Variants in TCP1 observed in about 807,000 individuals in gnomAD.
The protein encoded by TCP1 is T-complex protein 1 subunit alpha.
A neutral mutation model predicts 54.7 loss-of-function variants in TCP1; 6 were observed. That is an observed-to-expected ratio of 0.11 (90% CI 0.06 to 0.22). The LOEUF is 0.22. TCP1 is among the 10% of genes least tolerant of loss of function. The pLI, the probability that TCP1 is intolerant of heterozygous loss-of-function variation, is 1.00. For synonymous variants in TCP1, 225 were observed against 229.7 expected, an observed-to-expected ratio of 0.98 and a Z score of 0.19; for missense variants, 511 against 678.2, an observed-to-expected ratio of 0.75 and a Z score of 2.74.
intron 1 of TCP1, chr6:159,789,039 G>A (rs910960742): frequency 4.1e-6 from 1 of 241,696 alleles, no homozygotes; most frequent in East Asian, 8.8e-5. Context: ...AAAACCTGGC[G>A]TTTAACATGG....
rs201928872 is a variant in TCP1 at position 159,785,721 on chromosome 6, G to A, written c.377+179C>T. 258 of 784,298 alleles carry A rather than the reference G, an allele frequency of 3.3e-4. 1 individual carries two copies. Among genetic ancestry groups the A allele is most frequent in the Admixed American group, 8.7e-4 (48 of 55,236 alleles). 48.6% of individuals were successfully genotyped at this position (784,298 alleles called of 1,614,324 possible). On this transcript the variant is annotated intron_variant, in intron 4 of 11. Coordinates refer to ENST00000321394, the MANE Select transcript of TCP1 (RefSeq NM_030752.3). ...TCTATTATTAGGAGAAAATGTGGTAGTCAAATGAGAAAAAAGATACTGGTC... is the reference window on the plus strand; with the variant it reads ...TCTATTATTAGGAGAAAATGTGGTAATCAAATGAGAAAAAAGATACTGGTC...
rs1468721897 is a variant in TCP1 at position 159,784,771 on chromosome 6, G to A, written c.565C>T (p.Arg189Cys). The A allele has an allele frequency of 5.0e-6, 8 of 1,614,128 alleles. No individual in the cohort carries two copies. The highest frequency in any genetic ancestry group is 2.2e-5 in the East Asian group (1 of 44,876). ...IKYTDIRGQPRYPVNSVNILK... is the reference protein window; with the variant it reads ...IKYTDIRGQPCYPVNSVNILK... Reference sequence around the variant, plus strand: ...ATATTAACAGAGTTGACTGGATAGCGTGGCTGGCCTCTTATGTCTGTGTAT... The same window carrying A: ...ATATTAACAGAGTTGACTGGATAGCATGGCTGGCCTCTTATGTCTGTGTAT... The change falls in exon 6 of 12, where the codon CGC (arginine) becomes TGC (cysteine). Residue 189 changes from arginine (R) to cysteine (C), a missense_variant. Physicochemically the swap from Arg to Cys is radical, Grantham distance 180 (BLOSUM62 -3). Coordinates refer to ENST00000321394, the MANE Select transcript of TCP1 (RefSeq NM_030752.3).
rs61580579 is a variant in TCP1, at chr6:159,784,596, G to A, written c.670+70C>T. 68 of 1,526,108 alleles carry A rather than the reference G, an allele frequency of 4.5e-5. No individual in the cohort carries two copies. The East Asian group carries it at 4.5e-4, about 10-fold the overall frequency. The allele number at this position is 1,526,108 out of a possible 1,614,324, so 94.5% of individuals were successfully genotyped here. A position where few individuals can be genotyped will look rare whatever the true frequency, so the allele number is the denominator to read the frequency against. On this transcript the variant is annotated intron_variant, in intron 6 of 11. Coordinates refer to ENST00000321394, the MANE Select transcript of TCP1 (RefSeq NM_030752.3). ...TGGGATTACAGGCATGAGCCACCGC[G>A]CCCAGCCAAAAGAAAAGCTAGTTTT...
chr6:159,789,167 T>G (rs1780783205), intron 1 of TCP1: 3 of 513,830 alleles, frequency 5.8e-6, no homozygotes, highest in Non-Finnish European at 1.0e-5. Context: ...GGACACCACA[T>G]CCACGCGTTG....
In TCP1 at chr6:159,778,732, T is replaced by C. The variant is rs2114988045; in HGVS notation, c.*313A>G. The C allele has an allele frequency of 6.2e-7, 1 of 1,614,258 alleles. No homozygotes were observed. The highest frequency in any genetic ancestry group is 1.1e-5 in the South Asian group (1 of 91,090). On this transcript the variant is annotated 3_prime_UTR_variant, in exon 12 of 12. Transcript: ENST00000321394. Reference sequence around the variant, plus strand: ...TCTGGCTGTCGAATTCTTGTGACCCTGTTACACACACTGGAGAGAATGGGC... The same window carrying C: ...TCTGGCTGTCGAATTCTTGTGACCCCGTTACACACACTGGAGAGAATGGGC...
Position 159,785,770 on chromosome 6 carries a change from CTACT to C in TCP1, c.377+126_377+129del, listed in dbSNP as rs761900438. The stretch of plus-strand genomic sequence containing the variant: ...TCCAAGTTTTTAACTTCAAATATTA[CTACT>C]TAAATGCTAAAACATTTAAATTGAA... On this transcript the variant is annotated intron_variant, in intron 4 of 11. Coordinates refer to ENST00000321394, the MANE Select transcript of TCP1 (RefSeq NM_030752.3). The C allele has an allele frequency of 1.8e-5, 15 of 848,802 alleles. No homozygotes were observed. In the Admixed American group the frequency reaches 3.0e-4, roughly 17 times the overall value. 52.6% of individuals were successfully genotyped at this position (848,802 alleles called of 1,614,324 possible). A position where few individuals can be genotyped will look rare whatever the true frequency, so the allele number is the denominator to read the frequency against.
rs1780497087 is a variant in TCP1, at chr6:159,778,810, T to C, written c.*235A>G. ...ATTGGGGGTGGGATGGGAATAGCAA[T>C]GTGTGTTCAGAGAGAATGAATTGCT... On this transcript the variant is annotated 3_prime_UTR_variant, in exon 12 of 12. Transcript: ENST00000321394. 6.2e-7 allele frequency: 1 copy of C among 1,614,104 alleles called. No homozygotes were observed. Among genetic ancestry groups the C allele is most frequent in the African/African-American group, 1.3e-5 (1 of 74,946 alleles).
intron 4 of TCP1, 99 bp downstream of exon 4, chr6:159,785,801 G>C: frequency 3.1e-6 from 3 of 982,742 alleles, no homozygotes; most frequent in Non-Finnish European, 3.2e-6. Context: ...TAAATTGAAG[G>C]TTTTCAAATT....
intron 3 of TCP1, among the ~76,000 whole-genome samples, chr6:159,786,922 T>C (rs1257107688): frequency 6.6e-6 from 1 of 152,156 alleles, no homozygotes; most frequent in Non-Finnish European, 1.5e-5. Flanking sequence ...CACTCCCATT[T>C]TGAATTCCTG....
intron 6 of TCP1, among the ~76,000 whole-genome samples, chr6:159,784,348 A>G (rs146905027): frequency 0.011 from 1,674 of 150,648 alleles, 19 homozygotes; most frequent in Middle Eastern, 0.073. Context: ...TCTGTAGCCC[A>G]GGCTGGAGTG....
chr6:159,788,434 A>C, intron 1 of TCP1: 1 of 325,464 alleles, frequency 3.1e-6, no homozygotes, highest in Non-Finnish European at 5.9e-6. Flanking sequence ...AAAAAATAAA[A>C]ACAAAGCCGG....
At chr6:159,782,751 G>C (rs1212202719) in intron 7 of TCP1, among the ~76,000 whole-genome samples, 4 of 151,942 alleles carry the variant, frequency 2.6e-5, no homozygotes, top group Admixed American at 2.6e-4. Flanking sequence ...ACAGCTGAAA[G>C]AGTCTCTGGC....
In TCP1 at chr6:159,787,977, TAA is replaced by T. The variant is rs990925339; in HGVS notation, c.150+79_150+80del. 53 of 1,606,470 alleles carry T rather than the reference TAA, an allele frequency of 3.3e-5. 1 individual carries two copies. The highest frequency in any genetic ancestry group is 5.0e-5 in the Admixed American group (3 of 59,756). ...TCACCTTCCAGTACGTGGATTCTGA[TAA>T]AGTCAAAGAAAGAACATAGCAAAAC... On this transcript the variant is annotated intron_variant, in intron 2 of 11. Coordinates refer to ENST00000321394, the MANE Select transcript of TCP1 (RefSeq NM_030752.3).
intron 9 of TCP1, 83 bp from the exon 10 acceptor site, chr6:159,780,170 T>A: frequency 2.0e-6 from 3 of 1,504,958 alleles, no homozygotes; most frequent in Non-Finnish European, 2.7e-6. Context: ...TCAAAAAAAA[T>A]GGCATTTTAA....
At chr6:159,788,248 T>A in intron 1 of TCP1, 105 bp from the exon 2 acceptor site, 1 of 1,024,498 alleles carries the variant, frequency 9.8e-7, no homozygotes, top group South Asian at 1.4e-5. Context: ...GCCCCCGTAT[T>A]TCCCAAATCT....
In TCP1 at chr6:159,779,721, C is replaced by T. The variant is rs1780525320; in HGVS notation, c.1360G>A (p.Val454Ile). Residue 454 changes from valine to isoleucine, a missense_variant, in exon 11 of 12, where the codon GTT (valine) becomes ATT (isoleucine). Physicochemically the swap from Val to Ile is conservative, Grantham distance 29 (BLOSUM62 3). Transcript: ENST00000321394. Reference sequence around the variant, plus strand: ...TCTGTGGAGTCCTGGGCAGCATTAACTGCTAGTGTATTGGGAATAACAAGA... The same window carrying T: ...TCTGTGGAGTCCTGGGCAGCATTAATTGCTAGTGTATTGGGAATAACAAGA... ...SLLVIPNTLA[V>I]NAAQDSTDLV... is the part of the protein sequence containing the mutation. 6.2e-7 allele frequency: 1 copy of T among 1,613,364 alleles called. No homozygotes were observed. Among genetic ancestry groups the T allele is most frequent in the Admixed American group, 1.7e-5 (1 of 59,816 alleles).
rs1583140777 is a variant in TCP1, at chr6:159,783,921, A to G, written c.797+20T>C. Reference sequence around the variant, plus strand: ...CAAGACACTCACACTTAAAAGGCCAAAAATAATCTCTCAACATACCTCTGT... The same window carrying G: ...CAAGACACTCACACTTAAAAGGCCAGAAATAATCTCTCAACATACCTCTGT... On this transcript the variant is annotated intron_variant, in intron 7 of 11. Coordinates refer to ENST00000321394, the MANE Select transcript of TCP1 (RefSeq NM_030752.3). 1.3e-6 allele frequency: 2 copies of G among 1,571,050 alleles called. No individual in the cohort carries two copies. Among genetic ancestry groups the G allele is most frequent in the Non-Finnish European group, 1.7e-6 (2 of 1,162,682 alleles).
intron 1 of TCP1, chr6:159,788,792 T>C (rs141383489): frequency 6.5e-6 from 1 of 153,422 alleles, no homozygotes; most frequent in East Asian, 1.9e-4. Flanking sequence ...CAGTAAGCTC[T>C]GTAGGTATCC....
chr6:159,785,605 C>G (rs200075008), intron 4 of TCP1, 109 bp from the exon 5 acceptor site: 20 of 897,598 alleles, frequency 2.2e-5, no homozygotes, highest in African/African-American at 3.2e-5. Flanking sequence ...AATATCCGTT[C>G]AGCCATTTCA....
Sources: allele counts gnomAD v4.1 joint callset (sites outside exome capture counted in the v4.1 genomes callset), GRCh38; gene constraint gnomAD v4.1.1; transcripts MANE v1.5; gene names NCBI Gene and HGNC (gene_info 2026-07-23, HGNC 2026-07-21).